ALK: variants seen among roughly 807,000 people sequenced by gnomAD.
The protein encoded by ALK is ALK tyrosine kinase receptor.
In ALK, 74 loss-of-function variants were observed where a neutral mutation model predicts 163.1. The observed-to-expected ratio is 0.45, with a 90% CI of 0.38 to 0.55. The LOEUF is 0.55. ALK is among the 20% of genes least tolerant of loss of function. The pLI is 0.00. For synonymous variants in ALK, 960 were observed against 843.2 expected, an observed-to-expected ratio of 1.14 and a Z score of -2.40; for missense variants, 2,063 against 2,105.3, an observed-to-expected ratio of 0.98 and a Z score of 0.39.
At chr2:29,915,040 C>T (rs1012718631) in intron 1 of ALK, among the ~76,000 whole-genome samples, 20 of 152,098 alleles carry the variant, frequency 1.3e-4, no homozygotes, top group African/African-American at 4.8e-4. Flanking sequence ...TGTAAAGTTC[C>T]AAATAACCAT....
chr2:29,263,015 C>T (rs186261327), intron 11 of ALK, among the ~76,000 whole-genome samples: 23 of 152,322 alleles, frequency 1.5e-4, no homozygotes, highest in African/African-American at 4.1e-4. Context: ...AACTTGGCTT[C>T]GGGCCAGAGT....
intron 1 of ALK, among the ~76,000 whole-genome samples, chr2:29,767,371 C>T (rs530345529): frequency 3.3e-5 from 5 of 152,078 alleles, no homozygotes; most frequent in Non-Finnish European, 5.9e-5. Context: ...AGGTCAAATA[C>T]CTAGAAAAGG....
intron 1 of ALK, among the ~76,000 whole-genome samples, chr2:29,874,718 AAG>A (rs1468122294): frequency 6.6e-6 from 1 of 152,210 alleles, no homozygotes; most frequent in African/African-American, 2.4e-5. Context: ...CAGGGGAGAC[AAG>A]AGTGGATTCT....
intron 1 of ALK, among the ~76,000 whole-genome samples, chr2:29,817,143 C>T (rs1653607840): frequency 6.6e-6 from 1 of 151,272 alleles, no homozygotes; most frequent in African/African-American, 2.4e-5. Context: ...CTTATTGCTC[C>T]AGCCTGAGAC....
At chr2:29,450,834 C>A (rs1425477753) in intron 4 of ALK, among the ~76,000 whole-genome samples, 2 of 152,100 alleles carry the variant, frequency 1.3e-5, no homozygotes, top group Non-Finnish European at 2.9e-5. Context: ...GGCGCCTTTC[C>A]TCAGATCACT....
At chr2:29,594,302 G>T (rs945309305) in intron 3 of ALK, among the ~76,000 whole-genome samples, 1 of 152,002 alleles carries the variant, frequency 6.6e-6, no homozygotes, top group Non-Finnish European at 1.5e-5. Flanking sequence ...ACTATATAAG[G>T]GTGTGAGCTG....
In ALK at chr2:29,328,266, G is replaced by A. The variant is rs1433514943; in HGVS notation, c.1414+84C>T. 3.8e-6 allele frequency: 6 copies of A among 1,598,080 alleles called. No homozygotes were observed. In the Admixed American group the frequency reaches 5.0e-5, roughly 13 times the overall value. ...AGTGGATATCAGGAAGGCTGTCCAT[G>A]CTCTCATGCCTGGGATAATGGGGAC... On this transcript the variant is annotated intron_variant, in intron 6 of 28. Coordinates refer to ENST00000389048, the MANE Select transcript of ALK (RefSeq NM_004304.5).
chr2:29,452,507 G>A (rs1450872856), intron 4 of ALK, among the ~76,000 whole-genome samples: 7 of 151,892 alleles, frequency 4.6e-5, no homozygotes, highest in Non-Finnish European at 1.0e-4. Flanking sequence ...CTTCTTCATT[G>A]TCTAACTCCT....
intron 5 of ALK, among the ~76,000 whole-genome samples, chr2:29,336,237 G>GT (rs1228967569): frequency 1.3e-5 from 2 of 152,176 alleles, no homozygotes; most frequent in Non-Finnish European, 2.9e-5. Flanking sequence ...CTTCTCTGAT[G>GT]TCCTGTTCTG....
intron 12 of ALK, among the ~76,000 whole-genome samples, chr2:29,247,181 C>T (rs571803486): frequency 1.3e-5 from 2 of 151,448 alleles, no homozygotes; most frequent in South Asian, 2.1e-4. Flanking sequence ...CCCCGGCCTC[C>T]GCGGCAGCGC....
chr2:29,373,874 T>C (rs1668691278), intron 5 of ALK, among the ~76,000 whole-genome samples: 1 of 152,204 alleles, frequency 6.6e-6, no homozygotes, highest in African/African-American at 2.4e-5. Context: ...CTCCTTTGTG[T>C]GGCACAAAGG....
At chr2:29,616,479 C>T (rs1038188464) in intron 3 of ALK, among the ~76,000 whole-genome samples, 4 of 152,166 alleles carry the variant, frequency 2.6e-5, no homozygotes, top group Admixed American at 2.0e-4. Flanking sequence ...AGAATCAAGG[C>T]GTCTGAAGAA....
intron 5 of ALK, among the ~76,000 whole-genome samples, chr2:29,330,278 C>T (rs1667400379): frequency 6.6e-6 from 1 of 152,154 alleles, no homozygotes; most frequent in African/African-American, 2.4e-5. Flanking sequence ...GGGCGATGAA[C>T]ATGGTCATGT....
chr2:29,253,891 GA>G (rs1240029448), intron 11 of ALK, among the ~76,000 whole-genome samples: 85 of 141,142 alleles, frequency 6.0e-4, no homozygotes, highest in African/African-American at 2.5e-3. Flanking sequence ...TAGATAGATA[GA>G]TAGGTAGATA....
intron 3 of ALK, among the ~76,000 whole-genome samples, chr2:29,631,232 G>A (rs553589730): frequency 3.0e-4 from 46 of 152,282 alleles, no homozygotes; most frequent in Non-Finnish European, 4.7e-4. Context: ...CGATGATTTG[G>A]GCCCCTAGGC....
At chr2:29,750,640 GA>G (rs1680331707) in intron 1 of ALK, among the ~76,000 whole-genome samples, 3 of 53,444 alleles carry the variant, frequency 5.6e-5, no homozygotes, top group African/African-American at 3.7e-4. Context: ...GGGAAGGAAG[GA>G]AGGAAGGAAG....
At chr2:29,372,940 G>A (rs1169964963) in intron 5 of ALK, among the ~76,000 whole-genome samples, 1 of 152,170 alleles carries the variant, frequency 6.6e-6, no homozygotes, top group African/African-American at 2.4e-5. Context: ...ACATTTCTCT[G>A]ATCACATCTG....
chr2:29,200,022 C>T (rs1669117906), intron 26 of ALK, among the ~76,000 whole-genome samples: 1 of 152,182 alleles, frequency 6.6e-6, no homozygotes, highest in South Asian at 2.1e-4. Flanking sequence ...GGTTGAAGCA[C>T]AGGTTATTAT....
At chr2:29,675,367 A>G (rs1038160422) in intron 3 of ALK, among the ~76,000 whole-genome samples, 2 of 152,090 alleles carry the variant, frequency 1.3e-5, no homozygotes, top group African/African-American at 4.8e-5. Context: ...ACAATGAACT[A>G]TAATAATATT....
Sources: allele counts gnomAD v4.1 joint callset (sites outside exome capture counted in the v4.1 genomes callset), GRCh38; gene constraint gnomAD v4.1.1; transcripts MANE v1.5; gene names NCBI Gene and HGNC (gene_info 2026-07-23, HGNC 2026-07-21).